TBCK: variants seen among roughly 807,000 people sequenced by gnomAD.
The protein encoded by TBCK is TBC1 domain containing kinase.
In TBCK, 99 loss-of-function variants were observed where a neutral mutation model predicts 113.4. The ratio of observed to expected loss-of-function variants is 0.87; its 90% CI spans 0.74 to 1.03. The LOEUF (loss-of-function observed/expected upper bound fraction) is 1.03. Ranked by LOEUF, TBCK falls within the 50% of genes least tolerant of loss-of-function variation. The probability of loss-of-function intolerance (pLI) is 0.00; values close to 1 mark genes in which losing one functional copy is unlikely to be tolerated. For missense variants in TBCK, 1,045 were observed against 1,061.3 expected (o/e 0.98, Z 0.21); for synonymous variants, 369 against 370.8 (o/e 1.00, Z 0.05).
Position 106,127,298 on chromosome 4 carries a change from A to G in TBCK, c.2236-10920T>C, listed in dbSNP as rs181525352. On this transcript the variant is annotated intron_variant, in intron 23 of 25. Coordinates refer to ENST00000394708, the MANE Select transcript of TBCK (RefSeq NM_001163435.3). ...CTAAACCATCTTTAGGAAAATAGGC[A>G]AAATAATTTAATAAATATATCAACG... 2.7e-3 allele frequency among the ~76,000 whole-genome samples: 416 copies of G among 152,084 alleles called. 3 individuals are homozygous for G. The highest frequency in any genetic ancestry group is 9.4e-3 in the African/African-American group (390 of 41,522).
At chr4:106,096,579 T>G (rs1312646524) in intron 24 of TBCK, among the ~76,000 whole-genome samples, 1 of 152,190 alleles carries the variant, frequency 6.6e-6, no homozygotes, top group African/African-American at 2.4e-5. Context: ...CCTGCCCACC[T>G]GCTGTTTTCT....
chr4:106,174,563 G>A (rs1165032934), intron 22 of TBCK, among the ~76,000 whole-genome samples: 6 of 152,020 alleles, frequency 3.9e-5, no homozygotes, highest in South Asian at 2.1e-4. Flanking sequence ...ATATACTTAC[G>A]CATATACTTC....
intron 19 of TBCK, among the ~76,000 whole-genome samples, chr4:106,226,533 G>A (rs890016807): frequency 2.0e-5 from 3 of 151,996 alleles, no homozygotes; most frequent in Admixed American, 1.3e-4. Context: ...TATATTAATT[G>A]GGCTTTTATA....
At chr4:106,098,766 T>G (rs1409677865) in intron 24 of TBCK, among the ~76,000 whole-genome samples, 1 of 152,074 alleles carries the variant, frequency 6.6e-6, no homozygotes, top group Non-Finnish European at 1.5e-5. Flanking sequence ...TTCTTTGGCA[T>G]ATGGTGACCT....
intron 20 of TBCK, among the ~76,000 whole-genome samples, chr4:106,197,403 G>GTA (rs1482373580): frequency 9.0e-6 from 1 of 110,928 alleles, no homozygotes; most frequent in African/African-American, 2.9e-5. Context: ...GTGTGTGTGT[G>GTA]TGTGTGTGTA....
chr4:106,043,772 T>C lies in TBCK; in HGVS notation c.*2798A>G, dbSNP rs1455787375. The C allele has an allele frequency of 6.6e-6, 1 of 151,928 alleles. No homozygotes were observed. Among genetic ancestry groups the C allele is most frequent in the Non-Finnish European group, 1.5e-5 (1 of 67,988 alleles). The allele number at this position is 151,928 out of a possible 1,614,324, so 9.4% of individuals were successfully genotyped here. On this transcript the variant is annotated 3_prime_UTR_variant, in exon 26 of 26. Transcript: ENST00000394708. ...GTGTGTGTGTGTATGTATATCTGTG[T>C]GGGCTGGTGGTGGTACTTATGGCAT...
At chr4:106,307,297 C>T (rs1409734132) in intron 2 of TBCK, among the ~76,000 whole-genome samples, 2 of 152,090 alleles carry the variant, frequency 1.3e-5, no homozygotes, top group Middle Eastern at 3.2e-3. Context: ...TGTAAAATGA[C>T]AGGACTAGTT....
chr4:106,070,496 T>A (rs1326730855), intron 25 of TBCK, among the ~76,000 whole-genome samples: 1 of 152,218 alleles, frequency 6.6e-6, no homozygotes, highest in African/African-American at 2.4e-5. Context: ...GAAGCCGACT[T>A]GATCTTGGTG....
intron 1 of TBCK, chr4:106,310,091 C>T (rs1247369648): frequency 1.3e-5 from 2 of 152,182 alleles, no homozygotes; most frequent in Non-Finnish European, 1.5e-5. Flanking sequence ...AGACATTCTA[C>T]TGGTAAAGCC....
At position 106,169,145 on chromosome 4, in the gene TBCK, G is replaced by A. The variant is rs78802010; in HGVS notation, c.2235+1950C>T. On this transcript the variant is annotated intron_variant, in intron 23 of 25. Coordinates refer to ENST00000394708, the MANE Select transcript of TBCK (RefSeq NM_001163435.3). ...TATTGTCAACAGTTCTTCCCAAATT[G>A]ATATGTAGATTCAATGTAATCCCAA... is the stretch of plus-strand genomic sequence containing the variant. 1.3e-4 allele frequency among the ~76,000 whole-genome samples: 20 copies of A among 152,172 alleles called. No individual in the cohort carries two copies. The East Asian group carries it at 3.9e-3, about 29-fold the overall frequency.
chr4:106,052,480 T>C lies in TBCK; in HGVS notation c.2572-5800A>G, dbSNP rs1387302083. Among the ~76,000 whole-genome samples, 4 of 151,980 alleles carry C rather than the reference T, an allele frequency of 2.6e-5. No individual in the cohort carries two copies. The South Asian group carries it at 8.3e-4, about 31-fold the overall frequency. On this transcript the variant is annotated intron_variant, in intron 25 of 25. Coordinates refer to ENST00000394708, the MANE Select transcript of TBCK (RefSeq NM_001163435.3). ...GGATATTTTGAAGCCATACTAATAG[T>C]ATTCTTTAGTATTGTCCACAAAAAG...
chr4:106,082,588 TAAAAAAATAGAA>T (rs1240488023), intron 25 of TBCK, among the ~76,000 whole-genome samples: 7 of 150,312 alleles, frequency 4.7e-5, no homozygotes, highest in East Asian at 1.9e-4. Flanking sequence ...AACTTCAACT[TAAAAAAATAGAA>T]AAAAAAATAG....
rs188246198 is a variant in TBCK, at chr4:106,120,106, C to G, written c.2236-3728G>C. Among the ~76,000 whole-genome samples, 159 of 152,240 alleles carry G rather than the reference C, an allele frequency of 1.0e-3. 1 individual carries two copies. The highest frequency in any genetic ancestry group is 3.6e-3 in the African/African-American group (150 of 41,542). Reference sequence around the variant, plus strand: ...GACAGTGGGCGCAGGTAAATGGGTGCGCGCACCGTGCGCGAGCCGAAGCAG... The same window carrying G: ...GACAGTGGGCGCAGGTAAATGGGTGGGCGCACCGTGCGCGAGCCGAAGCAG... On this transcript the variant is annotated intron_variant, in intron 23 of 25. Coordinates refer to ENST00000394708, the MANE Select transcript of TBCK (RefSeq NM_001163435.3).
intron 5 of TBCK, among the ~76,000 whole-genome samples, chr4:106,256,663 G>A (rs1032852648): frequency 4.6e-5 from 7 of 152,112 alleles, no homozygotes. Context: ...AGCTGCAACT[G>A]TGCCCGGGAA....
Position 106,250,467 on chromosome 4 carries a change from T to A in TBCK, c.609A>T (p.Leu203Phe). 2.6e-6 allele frequency: 4 copies of A among 1,550,994 alleles called. No homozygotes were observed. Among genetic ancestry groups the A allele is most frequent in the Non-Finnish European group, 3.5e-6 (4 of 1,136,214 alleles). The stretch of plus-strand genomic sequence containing the variant: ...TTTCAGAAATATCCAAGCTCTGAAA[T>A]AATTTTCTTCCCTAAATAAAATGAG... ...ILFELCVGRK[L>F]FQSLDISERL... Residue 203 changes from leucine to phenylalanine, a missense_variant, in exon 7 of 26, where the codon TTA becomes TTT. Physicochemically the swap from Leu to Phe is conservative, Grantham distance 22 (BLOSUM62 0). Transcript: ENST00000394708.
intron 25 of TBCK, among the ~76,000 whole-genome samples, chr4:106,070,596 A>AAT (rs1737288243): frequency 6.6e-6 from 1 of 151,876 alleles, no homozygotes; most frequent in African/African-American, 2.4e-5. Flanking sequence ...ATTGGTCTAA[A>AAT]ATTCTCTTTT....
At chr4:106,307,017 T>C (rs1435536606) in intron 2 of TBCK, among the ~76,000 whole-genome samples, 2 of 152,318 alleles carry the variant, frequency 1.3e-5, no homozygotes, top group East Asian at 3.9e-4. Flanking sequence ...CCACTCTCTT[T>C]CCCAAATCTC....
chr4:106,055,385 A>C lies in TBCK; in HGVS notation c.2572-8705T>G, dbSNP rs1735267598. On this transcript the variant is annotated intron_variant, in intron 25 of 25. Coordinates refer to ENST00000394708, the MANE Select transcript of TBCK (RefSeq NM_001163435.3). ...TTTACTTTCATATGTAATTCTAACA[A>C]AATCTCATAAGGATTAAAGGAAAGA... Among the ~76,000 whole-genome samples the C allele has an allele frequency of 2.6e-5, 4 of 151,818 alleles. No individual in the cohort carries two copies. In the South Asian group the frequency reaches 8.3e-4, roughly 31 times the overall value.
chr4:106,256,711 C>T (rs1024965418), intron 5 of TBCK, among the ~76,000 whole-genome samples: 3 of 152,104 alleles, frequency 2.0e-5, no homozygotes, highest in East Asian at 1.9e-4. Context: ...CCATAGGCTC[C>T]GTGAAGTGAC....
Sources: gnomAD v4.1 joint callset for allele counts (sites outside exome capture counted in the v4.1 genomes callset) on GRCh38, gnomAD v4.1.1 for gene constraint, MANE v1.5 for transcripts, NCBI Gene and HGNC (gene_info 2026-07-23, HGNC 2026-07-21) for gene names.